KLHL18: variants seen among roughly 807,000 people sequenced by gnomAD.
KLHL18 encodes the protein kelch-like protein 18.
A neutral mutation model predicts 58.5 loss-of-function variants in KLHL18; 38 were observed. That is an observed-to-expected ratio of 0.65 (90% CI 0.50 to 0.85). The LOEUF (loss-of-function observed/expected upper bound fraction) is 0.85, where lower values mean the gene tolerates loss of function less well. KLHL18 is among the 40% of genes least tolerant of loss of function. The pLI is 0.00. For missense variants in KLHL18, 624 were observed against 778.4 expected (o/e 0.80, Z 2.36); for synonymous variants, 303 against 301.9 (o/e 1.00, Z -0.04).
Position 47,288,731 on chromosome 3 carries a change from A to G in KLHL18, c.129+5637A>G, listed in dbSNP as rs150144730. On this transcript the variant is annotated intron_variant, in intron 1 of 9. Coordinates refer to ENST00000232766, the MANE Select transcript of KLHL18 (RefSeq NM_025010.5). ...AAAAAAATCACATTCTGTATCTCCCATGGCTTGAACCTGTTATGAGAAAAA... is the reference window on the plus strand; with the variant it reads ...AAAAAAATCACATTCTGTATCTCCCGTGGCTTGAACCTGTTATGAGAAAAA... 7.8e-3 allele frequency among the ~76,000 whole-genome samples: 1,193 copies of G among 152,350 alleles called. 20 individuals carry two copies. The highest frequency in any genetic ancestry group is 0.027 in the African/African-American group (1,139 of 41,578).
chr3:47,331,990 T>C (rs564088710), intron 4 of KLHL18, among the ~76,000 whole-genome samples: 6 of 152,268 alleles, frequency 3.9e-5, no homozygotes, highest in East Asian at 3.9e-4. Context: ...AGGTAGATTC[T>C]TACTGAAATT....
At chr3:47,292,672 A>G (rs962424032) in intron 1 of KLHL18, among the ~76,000 whole-genome samples, 1 of 152,024 alleles carries the variant, frequency 6.6e-6, no homozygotes, top group Non-Finnish European at 1.5e-5. Flanking sequence ...TTGGGAGGCC[A>G]AGGCAGGCAG....
chr3:47,296,304 C>A (rs192664860), intron 1 of KLHL18, among the ~76,000 whole-genome samples: 5 of 152,310 alleles, frequency 3.3e-5, no homozygotes, highest in Admixed American at 1.3e-4. Flanking sequence ...TAGTATAGTT[C>A]TTAGCATGTT....
chr3:47,283,086 A>C lies in KLHL18; in HGVS notation c.121A>C (p.Thr41Pro). The C allele has an allele frequency of 6.3e-7, 1 of 1,580,360 alleles. No individual in the cohort carries two copies. Among genetic ancestry groups the C allele is most frequent in the Non-Finnish European group, 8.6e-7 (1 of 1,163,750 alleles). ...GCGGCAGGGCAAGCTGTGCGACGTG[A>C]CCCTCAAGGTACCGCGGACTGGGCG... ...IRRQGKLCDV[T>P]LKIGDHKFSA... The change falls in exon 1 of 10, where the codon ACC (threonine) becomes CCC (proline). Residue 41 changes from threonine to proline, a missense_variant. Physicochemically the swap from Thr to Pro is conservative, Grantham distance 38. Coordinates refer to ENST00000232766, the MANE Select transcript of KLHL18 (RefSeq NM_025010.5).
At chr3:47,326,426 G>C (rs1025775390) in intron 3 of KLHL18, among the ~76,000 whole-genome samples, 2 of 152,222 alleles carry the variant, frequency 1.3e-5, no homozygotes, top group African/African-American at 2.4e-5. Context: ...GAAGAAGGTT[G>C]TGATGTGGCT....
chr3:47,344,009 C>T lies in KLHL18; in HGVS notation c.*68C>T. The T allele has an allele frequency of 6.4e-7, 1 of 1,562,416 alleles. No individual in the cohort carries two copies. Among genetic ancestry groups the T allele is most frequent in the South Asian group, 1.2e-5 (1 of 86,944 alleles). ...ATAGGCGCTTCCTTCCAGGAACAGT[C>T]CCTCAGGAGAGGCAGTGGACCAGAA... On this transcript the variant is annotated 3_prime_UTR_variant, in exon 10 of 10. Coordinates refer to ENST00000232766, the MANE Select transcript of KLHL18 (RefSeq NM_025010.5).
chr3:47,301,436 A>G (rs1012663460), intron 1 of KLHL18, among the ~76,000 whole-genome samples: 17 of 151,814 alleles, frequency 1.1e-4, no homozygotes, highest in Admixed American at 4.6e-4. Context: ...TTTTTTTTGC[A>G]TATGGATATC....
At position 47,333,203 on chromosome 3, in the gene KLHL18, G is replaced by A; in HGVS notation, c.647G>A (p.Arg216Lys). 6.2e-7 allele frequency: 1 copy of A among 1,614,180 alleles called. No individual in the cohort carries two copies. Among genetic ancestry groups the A allele is most frequent in the Non-Finnish European group, 8.5e-7 (1 of 1,180,026 alleles). ...TGGGTCAGATACGACCGGGAGCAGAGGGGTCCCTACCTGCCTGAGCTGCTG... is the reference window on the plus strand; with the variant it reads ...TGGGTCAGATACGACCGGGAGCAGAAGGGTCCCTACCTGCCTGAGCTGCTG... ...LAWVRYDREQ[R>K]GPYLPELLSN... The change falls in exon 5 of 10, where the codon AGG (arginine) becomes AAG (lysine). Residue 216 changes from arginine to lysine, a missense_variant. By Grantham distance (26) the Arg-to-Lys change is conservative. Transcript: ENST00000232766.
chr3:47,301,983 G>C (rs1412981924), intron 1 of KLHL18, among the ~76,000 whole-genome samples: 1 of 151,934 alleles, frequency 6.6e-6, no homozygotes, highest in Non-Finnish European at 1.5e-5. Context: ...TTTATTTTTT[G>C]TAGAGACGGG....
At chr3:47,316,677 G>GTATGTGTGTATATATACATATATACGTA (rs1703449875) in intron 1 of KLHL18, among the ~76,000 whole-genome samples, 1 of 68,586 alleles carries the variant, frequency 1.5e-5, no homozygotes, top group Non-Finnish European at 2.7e-5. Flanking sequence ...ACGTATATAT[G>GTATGTGTGTATATATACATATATACGTA]TATATGTGTG....
rs1371525741 is a variant in KLHL18, at chr3:47,346,676, C to T, written c.*2735C>T. 1 of 152,632 alleles carries T rather than the reference C, an allele frequency of 6.6e-6. No homozygotes were observed. The highest frequency in any genetic ancestry group is 2.4e-5 in the African/African-American group (1 of 41,442). The allele number at this position is 152,632 out of a possible 1,614,324, so 9.5% of individuals were successfully genotyped here. ...TTACAGCCAGATGGGGGCTGAAGAC[C>T]ATCCTCTTGACCACAGAGGTGTGAC... On this transcript the variant is annotated 3_prime_UTR_variant, in exon 10 of 10. Transcript: ENST00000232766.
chr3:47,342,918 C>T, intron 9 of KLHL18, 88 bp downstream of exon 9: 2 of 952,236 alleles, frequency 2.1e-6, no homozygotes, highest in Non-Finnish European at 3.3e-6. Flanking sequence ...AAACTTCAGC[C>T]TTGCCACAGC....
chr3:47,301,080 GTT>G (rs1703015309), intron 1 of KLHL18, among the ~76,000 whole-genome samples: 2 of 151,718 alleles, frequency 1.3e-5, no homozygotes, highest in Non-Finnish European at 2.9e-5. Context: ...ATTGTTTTTT[GTT>G]TTTTTATTGT....
intron 3 of KLHL18, among the ~76,000 whole-genome samples, chr3:47,327,301 A>G (rs780651495): frequency 1.8e-4 from 27 of 152,232 alleles, no homozygotes; most frequent in Non-Finnish European, 2.9e-4. Flanking sequence ...AAGCTAATCA[A>G]AGACACCCAA....
At position 47,343,710 on chromosome 3, in the gene KLHL18, C is replaced by T. The variant is rs746076142; in HGVS notation, c.1494C>T (p.Ser498=). ...SGFLSIAEMY[S]SVADQWCLIV... Reference sequence around the variant, plus strand: ...TCCTCAGCATTGCCGAGATGTACAGCTCTGTGGCAGACCAGTGGTGCCTGA... The same window carrying T: ...TCCTCAGCATTGCCGAGATGTACAGTTCTGTGGCAGACCAGTGGTGCCTGA... The change falls in exon 10 of 10, where the codon AGC becomes AGT. Residue 498 remains serine (S), a synonymous_variant. Transcript: ENST00000232766. The T allele has an allele frequency of 7.4e-6, 12 of 1,614,092 alleles. No individual in the cohort carries two copies. The South Asian group carries it at 1.2e-4, about 16-fold the overall frequency.
chr3:47,336,459 A>G lies in KLHL18; in HGVS notation c.899-76A>G, dbSNP rs991886431. ...AATAGAATTGAGTCGAATGTTCCAT[A>G]TAATCAATGCCCAATAGCTGTGCTC... is the stretch of plus-strand genomic sequence containing the variant. On this transcript the variant is annotated intron_variant, in intron 6 of 9. Coordinates refer to ENST00000232766, the MANE Select transcript of KLHL18 (RefSeq NM_025010.5). 30 of 1,270,184 alleles carry G rather than the reference A, an allele frequency of 2.4e-5. No individual in the cohort carries two copies. The African/African-American group carries it at 4.1e-4, about 17-fold the overall frequency. 78.7% of individuals were successfully genotyped at this position (1,270,184 alleles called of 1,614,324 possible).
chr3:47,311,878 C>A (rs2107613969), intron 1 of KLHL18, among the ~76,000 whole-genome samples: 1 of 152,238 alleles, frequency 6.6e-6, no homozygotes, highest in African/African-American at 2.4e-5. Context: ...AATATAGAGG[C>A]AAGCAGGAGT....
chr3:47,339,633 G>A (rs1704064383), intron 7 of KLHL18, among the ~76,000 whole-genome samples: 1 of 152,174 alleles, frequency 6.6e-6, no homozygotes, highest in African/African-American at 2.4e-5. Flanking sequence ...TGAATTGAGT[G>A]GGAAAAAGCA....
At chr3:47,304,051 CAG>C (rs1295905003) in intron 1 of KLHL18, among the ~76,000 whole-genome samples, 8 of 152,178 alleles carry the variant, frequency 5.3e-5, no homozygotes, top group African/African-American at 1.7e-4. Flanking sequence ...GTGAAAGCTA[CAG>C]AGATTTTCCT....
Sources: gnomAD v4.1 joint callset for allele counts (sites outside exome capture counted in the v4.1 genomes callset) on GRCh38, gnomAD v4.1.1 for gene constraint, MANE v1.5 for transcripts, NCBI Gene and HGNC (gene_info 2026-07-23, HGNC 2026-07-21) for gene names.